Variants in BICC1 observed in about 807,000 individuals in gnomAD.
The protein encoded by BICC1 is protein bicaudal C homolog 1.
Under a neutral mutation model 111.0 loss-of-function variants are expected in BICC1, and 43 were observed. That is an observed-to-expected ratio of 0.39 (90% CI 0.30 to 0.50). The LOEUF (loss-of-function observed/expected upper bound fraction) is 0.50, where lower values mean the gene tolerates loss of function less well. BICC1 is among the 20% of genes least tolerant of loss of function. BICC1 has a pLI of 0.88. For missense variants in BICC1, 1,091 were observed against 1,203.2 expected, an observed-to-expected ratio of 0.91 and a Z score of 1.38; for synonymous variants, 467 against 434.4, an observed-to-expected ratio of 1.07 and a Z score of -0.93.
intron 1 of BICC1, among the ~76,000 whole-genome samples, chr10:58,569,826 A>G (rs1221555777): frequency 1.3e-5 from 2 of 152,128 alleles, no homozygotes; most frequent in African/African-American, 4.8e-5. Context: ...AGTCTTTGCT[A>G]TTGTGAATAG....
At chr10:58,624,893 C>G (rs894538685) in intron 2 of BICC1, among the ~76,000 whole-genome samples, 3 of 152,238 alleles carry the variant, frequency 2.0e-5, no homozygotes, top group Non-Finnish European at 4.4e-5. Flanking sequence ...AGTGCCTGAA[C>G]TGTAATCTTG....
intron 3 of BICC1, among the ~76,000 whole-genome samples, chr10:58,759,107 G>C (rs930654189): frequency 2.0e-5 from 3 of 151,844 alleles, no homozygotes; most frequent in Non-Finnish European, 4.4e-5. Flanking sequence ...TTACAGGTGT[G>C]TGCCACCACA....
At chr10:58,651,891 G>A (rs1022144835) in intron 2 of BICC1, among the ~76,000 whole-genome samples, 3 of 152,058 alleles carry the variant, frequency 2.0e-5, no homozygotes, top group African/African-American at 7.2e-5. Flanking sequence ...AAGTAAAAGT[G>A]CATCCTTTTC....
intron 1 of BICC1, among the ~76,000 whole-genome samples, chr10:58,608,926 T>C (rs1322735590): frequency 6.6e-6 from 1 of 152,250 alleles, no homozygotes; most frequent in African/African-American, 2.4e-5. Flanking sequence ...GTCTCTTCTT[T>C]GCCCTCTGTC....
chr10:58,697,308 C>G (rs376712878), intron 2 of BICC1, among the ~76,000 whole-genome samples: 3 of 152,322 alleles, frequency 2.0e-5, no homozygotes, highest in South Asian at 2.1e-4. Context: ...GTCAGTGTCT[C>G]TGTCCATAGT....
chr10:58,807,979 T>G (rs1048238426), intron 17 of BICC1, among the ~76,000 whole-genome samples: 6 of 152,072 alleles, frequency 3.9e-5, no homozygotes, highest in African/African-American at 1.4e-4. Flanking sequence ...TCATAATTGT[T>G]AGTCTAATAA....
chr10:58,533,777 A>G (rs896484644), intron 1 of BICC1, among the ~76,000 whole-genome samples: 1 of 151,832 alleles, frequency 6.6e-6, no homozygotes, highest in Non-Finnish European at 1.5e-5. Flanking sequence ...CCCATGGTAG[A>G]TGCACCAGAA....
intron 3 of BICC1, among the ~76,000 whole-genome samples, chr10:58,770,025 T>C (rs1038913293): frequency 6.6e-6 from 1 of 152,172 alleles, no homozygotes; most frequent in Non-Finnish European, 1.5e-5. Context: ...CTTACAGTTT[T>C]AATTATAATT....
chr10:58,702,431 T>C (rs987427810), intron 3 of BICC1, among the ~76,000 whole-genome samples: 3 of 152,224 alleles, frequency 2.0e-5, no homozygotes, highest in African/African-American at 7.2e-5. Context: ...TCATGGTAAC[T>C]CTTCACATGT....
intron 1 of BICC1, among the ~76,000 whole-genome samples, chr10:58,617,714 G>A (rs1845664435): frequency 6.6e-6 from 1 of 152,248 alleles, no homozygotes; most frequent in Non-Finnish European, 1.5e-5. Flanking sequence ...GTTTATTGAG[G>A]CTTAGCCTTG....
chr10:58,614,870 AC>A (rs1454978843), intron 1 of BICC1, among the ~76,000 whole-genome samples: 1 of 152,212 alleles, frequency 6.6e-6, no homozygotes, highest in Non-Finnish European at 1.5e-5. Flanking sequence ...GCAATTATCT[AC>A]TTTGCTTGAT....
At position 58,793,470 on chromosome 10, in the gene BICC1, G is replaced by A. The variant is rs113828986; in HGVS notation, c.1048-14G>A. On this transcript the variant is annotated splice_polypyrimidine_tract_variant and intron_variant, in intron 8 of 20. Transcript: ENST00000373886. ...ATTTTTACCTCCTACACATTCTATT[G>A]TGACATTTTCTAGGGTTGTCTTCCT... 28 of 1,606,026 alleles carry A rather than the reference G, an allele frequency of 1.7e-5. No homozygotes were observed. In the African/African-American group the frequency reaches 2.0e-4, roughly 12 times the overall value.
chr10:58,801,470 A>G (rs1843545428), intron 14 of BICC1, among the ~76,000 whole-genome samples: 1 of 152,206 alleles, frequency 6.6e-6, no homozygotes, highest in Non-Finnish European at 1.5e-5. Context: ...CTTTTAAATA[A>G]ATGCTTGACA....
chr10:58,633,514 A>G (rs1048401035), intron 2 of BICC1, among the ~76,000 whole-genome samples: 3 of 152,342 alleles, frequency 2.0e-5, no homozygotes, highest in Admixed American at 6.5e-5. Context: ...ACTTTTAACT[A>G]TGCTTTGAAA....
At chr10:58,794,420 GTTTT>G (rs539285951) in intron 9 of BICC1, among the ~76,000 whole-genome samples, 1 of 142,404 alleles carries the variant, frequency 7.0e-6, no homozygotes, top group Non-Finnish European at 1.5e-5. Context: ...TGGAATAAAT[GTTTT>G]TTTTTTTTTT....
intron 1 of BICC1, among the ~76,000 whole-genome samples, chr10:58,528,775 A>G (rs1292445476): frequency 6.6e-6 from 1 of 151,898 alleles, no homozygotes; most frequent in Non-Finnish European, 1.5e-5. Flanking sequence ...TTTCAGTTCC[A>G]GTATTCCGGG....
At chr10:58,599,150 GTATATACCCAGAGGAT>G (rs777529191) in intron 1 of BICC1, among the ~76,000 whole-genome samples, 3 of 152,146 alleles carry the variant, frequency 2.0e-5, no homozygotes, top group Non-Finnish European at 1.5e-5. Flanking sequence ...CCATTACTGG[GTATATACCCAGAGGAT>G]TATAAATCAT....
chr10:58,812,440 G>A (rs192751140), intron 17 of BICC1, among the ~76,000 whole-genome samples: 5 of 151,992 alleles, frequency 3.3e-5, no homozygotes, highest in Admixed American at 2.0e-4. Context: ...GGCAGTGTCC[G>A]ACTGGCACCT....
At position 58,513,135 on chromosome 10, in the gene BICC1, G is replaced by A; in HGVS notation, c.-9G>A. On this transcript the variant is annotated 5_prime_UTR_variant, in exon 1 of 21. Coordinates refer to ENST00000373886, the MANE Select transcript of BICC1 (RefSeq NM_001080512.3). ...GCGGCAGCGGGAGCCCGAGCGCTGC[G>A]CGCCCACCATGGCCGCCCAGGGAGA... The A allele has an allele frequency of 6.8e-7, 1 of 1,460,002 alleles. No homozygotes were observed. The highest frequency in any genetic ancestry group is 9.0e-7 in the Non-Finnish European group (1 of 1,109,330). The allele number at this position is 1,460,002 out of a possible 1,614,324, so 90.4% of individuals were successfully genotyped here.
Sources: allele counts gnomAD v4.1 joint callset (sites outside exome capture counted in the v4.1 genomes callset), GRCh38; gene constraint gnomAD v4.1.1; transcripts MANE v1.5; gene names NCBI Gene and HGNC (gene_info 2026-07-23, HGNC 2026-07-21).